AHCY: variants seen among roughly 807,000 people sequenced by gnomAD.
AHCY encodes the protein S-adenosyl-L-homocysteine hydrolase.
A neutral mutation model predicts 45.4 loss-of-function variants in AHCY; 24 were observed. The observed-to-expected ratio is 0.53, with a 90% CI of 0.38 to 0.74. AHCY has a LOEUF of 0.74. Ranked by LOEUF, AHCY falls within the 30% of genes least tolerant of loss-of-function variation. The pLI is 0.00. For missense variants in AHCY, 449 were observed against 594.1 expected, an observed-to-expected ratio of 0.76 and a Z score of 2.54; for synonymous variants, 245 against 235.1, an observed-to-expected ratio of 1.04 and a Z score of -0.39.
At position 34,311,191 on chromosome 20, in the gene AHCY, C is replaced by T. The variant is rs573290961; in HGVS notation, c.-57+281G>A. On this transcript the variant is annotated intron_variant, in intron 1 of 9. Coordinates refer to the AHCY transcript ENST00000538132. ...ATAATGAAGGACAAAAAGCAAAGTG[C>T]AGAACGGTGCGCCTAGTATGCGATT... Among the ~76,000 whole-genome samples, 3 of 152,276 alleles carry T rather than the reference C, an allele frequency of 2.0e-5. No individual in the cohort carries two copies. In the South Asian group the frequency reaches 6.2e-4, roughly 32 times the overall value.
chr20:34,261,691 A>G, the AHCY span, among the ~76,000 whole-genome samples: 1 of 152,008 alleles, frequency 6.6e-6, no homozygotes, highest in Admixed American at 6.6e-5. Context: ...GGTTCCAGCT[A>G]TTTGGGAGGC....
chr20:34,293,009 C>G (rs908764761), intron 3 of AHCY, among the ~76,000 whole-genome samples: 7 of 151,898 alleles, frequency 4.6e-5, no homozygotes, highest in Non-Finnish European at 7.4e-5. Flanking sequence ...CTAGCAGCCT[C>G]TGTGTGGGGG....
chr20:34,298,397 G>A (rs1316505657), intron 1 of AHCY, among the ~76,000 whole-genome samples: 1 of 151,940 alleles, frequency 6.6e-6, no homozygotes, highest in Non-Finnish European at 1.5e-5. Flanking sequence ...ACAGAGATAG[G>A]AGCTGAGGGG....
At chr20:34,286,733 C>G (rs2036199600) in intron 8 of AHCY, among the ~76,000 whole-genome samples, 1 of 148,618 alleles carries the variant, frequency 6.7e-6, no homozygotes, top group Non-Finnish European at 1.5e-5. Flanking sequence ...CTCAGGAAGG[C>G]TGAGCCAGGC....
chr20:34,237,971 C>G, the AHCY span, among the ~76,000 whole-genome samples: 1 of 152,148 alleles, frequency 6.6e-6, no homozygotes, highest in Non-Finnish European at 1.5e-5. Flanking sequence ...TGTCAGCCCA[C>G]AGCCTCTGGC....
chr20:34,244,934 C>A, the AHCY span, among the ~76,000 whole-genome samples: 1 of 152,078 alleles, frequency 6.6e-6, no homozygotes. Flanking sequence ...GGTTAGGAAG[C>A]CAAATTCAAA....
chr20:34,245,971 A>C, the AHCY span: 3 of 1,413,060 alleles, frequency 2.1e-6, no homozygotes, highest in Non-Finnish European at 2.0e-6. Flanking sequence ...TTACTTCTCC[A>C]AGATCTTTGA....
the AHCY span, among the ~76,000 whole-genome samples, chr20:34,265,047 T>C: frequency 2.0e-5 from 3 of 152,218 alleles, no homozygotes; most frequent in African/African-American, 7.2e-5. Context: ...CCGCTGCTTC[T>C]GTCTCCTAAA....
rs563484762 is a variant in AHCY, at chr20:34,295,468, C to T, written c.146G>A (p.Arg49His). The T allele has an allele frequency of 5.6e-6, 9 of 1,614,120 alleles. No homozygotes were observed. In the South Asian group the frequency reaches 6.6e-5, roughly 12 times the overall value. ...GGTCATGTGCAGGCAGCCAGCGATG[C>T]GGGCGCCCTTCAGTGGCTTGGAGGC... ...YSASKPLKGA[R>H]IAGCLHMTVE... The change falls in exon 2 of 10, where the codon CGC becomes CAC. Residue 49 changes from arginine (R) to histidine (H), a missense_variant. Coordinates refer to ENST00000217426, the MANE Select transcript of AHCY (RefSeq NM_000687.4).
At chr20:34,253,535 C>A in the AHCY span, among the ~76,000 whole-genome samples, 5 of 151,940 alleles carry the variant, frequency 3.3e-5, no homozygotes, top group East Asian at 9.7e-4. Context: ...TGCAATGGCA[C>A]AATCTCAGCT....
chr20:34,260,171 T>C, the AHCY span, among the ~76,000 whole-genome samples: 3 of 152,070 alleles, frequency 2.0e-5, no homozygotes, highest in Admixed American at 6.6e-5. Context: ...TCTCTTCCTC[T>C]TCCCATCTCT....
At chr20:34,246,571 C>T in the AHCY span, 2 of 785,554 alleles carry the variant, frequency 2.5e-6, no homozygotes, top group Non-Finnish European at 4.4e-6. Flanking sequence ...CTCAAGCAAT[C>T]CTCCCACCTC....
chr20:34,240,026 A>G, the AHCY span, among the ~76,000 whole-genome samples: 100 of 152,324 alleles, frequency 6.6e-4, no homozygotes, highest in African/African-American at 2.3e-3. Context: ...AGGCATACAC[A>G]CTAACCAGGT....
chr20:34,262,979 C>T, the AHCY span: 1 of 1,485,200 alleles, frequency 6.7e-7, no homozygotes, highest in Non-Finnish European at 9.3e-7. Flanking sequence ...TGGCTAGGAA[C>T]TAAATGAAAG....
At chr20:34,266,358 TATAAA>T in the AHCY span, among the ~76,000 whole-genome samples, 2 of 132,914 alleles carry the variant, frequency 1.5e-5, no homozygotes, top group East Asian at 2.3e-4. Context: ...TCAAAAATAA[TATAAA>T]ATAAAACAAA....
chr20:34,289,107 G>A (rs145623483), intron 8 of AHCY, among the ~76,000 whole-genome samples: 112 of 152,082 alleles, frequency 7.4e-4, no homozygotes, highest in African/African-American at 2.3e-3. Context: ...ACGTTTAAGC[G>A]ATTCTCATGC....
the AHCY span, among the ~76,000 whole-genome samples, chr20:34,234,434 G>A: frequency 6.6e-6 from 1 of 152,138 alleles, no homozygotes; most frequent in African/African-American, 2.4e-5. Flanking sequence ...TTGTGGTTGA[G>A]GCCAGGCATC....
the AHCY span, among the ~76,000 whole-genome samples, chr20:34,256,132 A>G: frequency 6.6e-6 from 1 of 152,228 alleles, no homozygotes; most frequent in South Asian, 2.1e-4. Flanking sequence ...TAGAAGAAAT[A>G]ATGGCATAAA....
the AHCY span, among the ~76,000 whole-genome samples, chr20:34,273,528 GC>G: frequency 6.6e-6 from 1 of 152,148 alleles, no homozygotes; most frequent in Non-Finnish European, 1.5e-5. Context: ...GCTGCAGCCA[GC>G]CCCTCCATCT....
Sources: gnomAD v4.1 joint callset for allele counts (sites outside exome capture counted in the v4.1 genomes callset) on GRCh38, gnomAD v4.1.1 for gene constraint, MANE v1.5 for transcripts, NCBI Gene and HGNC (gene_info 2026-07-23, HGNC 2026-07-21) for gene names.